JAKMIP3: variants seen among roughly 807,000 people sequenced by gnomAD.
JAKMIP3 encodes Janus kinase and microtubule interacting protein 3.
Under a neutral mutation model 118.5 loss-of-function variants are expected in JAKMIP3, and 58 were observed. The observed-to-expected ratio is 0.49, with a 90% CI of 0.40 to 0.61. The LOEUF (loss-of-function observed/expected upper bound fraction) is 0.61, where lower values mean the gene tolerates loss of function less well. JAKMIP3 is among the 20% of genes least tolerant of loss of function. The pLI, the probability that JAKMIP3 is intolerant of heterozygous loss-of-function variation, is 0.00. For missense variants in JAKMIP3, 950 were observed against 1,109.0 expected (o/e 0.86, Z 2.04); for synonymous variants, 486 against 451.2 (o/e 1.08, Z -0.98).
chr10:132,097,406 A>G (rs1362742171), intron 1 of JAKMIP3, among the ~76,000 whole-genome samples: 1 of 151,882 alleles, frequency 6.6e-6, no homozygotes, highest in Non-Finnish European at 1.5e-5. Flanking sequence ...GTGGGTGCCC[A>G]TGGTAACCTG....
intron 1 of JAKMIP3, among the ~76,000 whole-genome samples, chr10:132,077,222 C>T (rs1003117252): frequency 2.0e-5 from 3 of 147,046 alleles, no homozygotes; most frequent in African/African-American, 7.7e-5. Flanking sequence ...CTGCTTCCCC[C>T]TCTCCCGGTG....
intron 1 of JAKMIP3, among the ~76,000 whole-genome samples, chr10:132,097,995 C>G (rs71512277): frequency 2.1e-5 from 1 of 47,098 alleles, no homozygotes; most frequent in Non-Finnish European, 4.5e-5. Context: ...CCTTCCCCTT[C>G]CCCTTCCCCT....
intron 1 of JAKMIP3, among the ~76,000 whole-genome samples, chr10:132,067,245 GCACATT>G (rs1374707553): frequency 2.1e-5 from 3 of 139,766 alleles, no homozygotes; most frequent in African/African-American, 7.8e-5. Flanking sequence ...AAGACGCCTG[GCACATT>G]CACATTCCTT....
chr10:132,172,598 T>C (rs1313813578), intron 23 of JAKMIP3, among the ~76,000 whole-genome samples: 1 of 151,984 alleles, frequency 6.6e-6, no homozygotes, highest in Non-Finnish European at 1.5e-5. Context: ...TATCGCACTG[T>C]ATGCTTCCAG....
intron 1 of JAKMIP3, among the ~76,000 whole-genome samples, chr10:132,048,446 A>T (rs1452228928): frequency 1.3e-5 from 2 of 152,104 alleles, no homozygotes; most frequent in Admixed American, 6.5e-5. Flanking sequence ...TGTTTATGTC[A>T]GTAGGGACAC....
At chr10:132,178,346 A>C (rs1343998861) in intron 23 of JAKMIP3, among the ~76,000 whole-genome samples, 1 of 152,178 alleles carries the variant, frequency 6.6e-6, no homozygotes, top group Non-Finnish European at 1.5e-5. Flanking sequence ...GACCCCATGA[A>C]GGGGGTAGAG....
intron 1 of JAKMIP3, among the ~76,000 whole-genome samples, chr10:132,045,137 G>C (rs2037869957): frequency 6.6e-6 from 1 of 152,118 alleles, no homozygotes; most frequent in Non-Finnish European, 1.5e-5. Context: ...GTTCCCACCA[G>C]CCGTGCACGA....
exon 1 of JAKMIP3, among the ~76,000 whole-genome samples, chr10:132,036,705 G>A (rs1336073013): frequency 6.6e-6 from 1 of 150,714 alleles, no homozygotes; most frequent in Non-Finnish European, 1.5e-5. Flanking sequence ...CCGGTCCGTC[G>A]GACGCCGCCC....
intron 19 of JAKMIP3, among the ~76,000 whole-genome samples, chr10:132,159,457 G>A (rs1234597233): frequency 4.3e-5 from 5 of 115,258 alleles, no homozygotes; most frequent in African/African-American, 1.3e-4. Context: ...GATGCTGGGT[G>A]GGGGGGCTCT....
Position 132,138,115 on chromosome 10 carries a change from G to A in JAKMIP3, c.1285-4G>A, listed in dbSNP as rs746082798. On this transcript the variant is annotated splice_polypyrimidine_tract_variant and splice_region_variant and intron_variant, in intron 8 of 23. Transcript: ENST00000684848. ...TACACAACCTCTTCAACTGGCTTCC[G>A]CAGGAGCGGGACAAGCTGTTAAGAT... The A allele has an allele frequency of 1.9e-5, 31 of 1,611,250 alleles. No homozygotes were observed. The highest frequency in any genetic ancestry group is 3.3e-5 in the Admixed American group (2 of 59,748).
intron 2 of JAKMIP3, among the ~76,000 whole-genome samples, chr10:132,106,674 G>A (rs1390334107): frequency 6.6e-6 from 1 of 152,210 alleles, no homozygotes; most frequent in Non-Finnish European, 1.5e-5. Flanking sequence ...AGGCCCAGAG[G>A]CCCCGACTCG....
chr10:132,122,216 C>T (rs1462436781), intron 3 of JAKMIP3, among the ~76,000 whole-genome samples: 1 of 151,056 alleles, frequency 6.6e-6, no homozygotes, highest in African/African-American at 2.4e-5. Context: ...GCCCTGACTG[C>T]CCCCCGGTCG....
chr10:132,142,083 C>G (rs1182457078), intron 11 of JAKMIP3, 35 bp downstream of exon 11: 4 of 1,569,496 alleles, frequency 2.5e-6, no homozygotes, highest in Non-Finnish European at 2.6e-6. Context: ...TCCGGCCCCC[C>G]TCGTGCCTTC....
At chr10:132,135,298 CTG>C (rs1335302203) in intron 5 of JAKMIP3, 138 bp downstream of exon 5, 11 of 873,134 alleles carry the variant, frequency 1.3e-5, no homozygotes, top group African/African-American at 1.2e-4. Context: ...AGTCTCCTGA[CTG>C]TGTTCCAGTT....
chr10:132,178,952 G>T (rs2060439542), intron 23 of JAKMIP3, among the ~76,000 whole-genome samples: 1 of 152,206 alleles, frequency 6.6e-6, no homozygotes, highest in Non-Finnish European at 1.5e-5. Flanking sequence ...TCTGCACGTG[G>T]TACCCATGGT....
At chr10:132,060,659 T>A (rs1207087338), upstream of JAKMIP3, among the ~76,000 whole-genome samples, 1 of 151,996 alleles carries the variant, frequency 6.6e-6, no homozygotes, top group African/African-American at 2.4e-5. Flanking sequence ...GGTAGGAAAA[T>A]AATGTAAAAG....
rs560190919 is a variant in JAKMIP3 at position 132,113,686 on chromosome 10, G to A, written c.136-3391G>A. On this transcript the variant is annotated intron_variant, in intron 2 of 23. Transcript: ENST00000684848. ...AAATCTTTGCCTGTACCAGGTCATG[G>A]AGACACTTTCCTATGTTTTCTTCTA... Among the ~76,000 whole-genome samples, 3 of 152,336 alleles carry A rather than the reference G, an allele frequency of 2.0e-5. No homozygotes were observed. The South Asian group carries it at 6.2e-4, about 32-fold the overall frequency.
chr10:132,047,651 G>A (rs2037957215), intron 1 of JAKMIP3, among the ~76,000 whole-genome samples: 1 of 47,280 alleles, frequency 2.1e-5, no homozygotes, highest in Non-Finnish European at 4.2e-5. Context: ...GCGAGTTGGC[G>A]GTGTACGGAG....
chr10:132,045,333 A>C (rs2037876445), intron 1 of JAKMIP3, among the ~76,000 whole-genome samples: 1 of 151,894 alleles, frequency 6.6e-6, no homozygotes, highest in South Asian at 2.1e-4. Context: ...CTTCTTCCTG[A>C]TGTGATTTTG....
Sources: allele counts gnomAD v4.1 joint callset (sites outside exome capture counted in the v4.1 genomes callset), GRCh38; gene constraint gnomAD v4.1.1; transcripts MANE v1.5; gene names NCBI Gene and HGNC (gene_info 2026-07-23, HGNC 2026-07-21).